CENPP: variants seen among roughly 807,000 people sequenced by gnomAD.
CENPP encodes the protein centromere protein P.
Under a neutral mutation model 35.6 loss-of-function variants are expected in CENPP, and 24 were observed. The observed-to-expected ratio is 0.67, with a 90% CI of 0.49 to 0.95. The LOEUF (loss-of-function observed/expected upper bound fraction) is 0.95. Ranked by LOEUF, CENPP falls within the 40% of genes least tolerant of loss-of-function variation. CENPP has a pLI of 0.00. For synonymous variants in CENPP, 120 were observed against 125.5 expected (o/e 0.96, Z 0.29); for missense variants, 332 against 345.3 (o/e 0.96, Z 0.31).
At chr9:92,392,677 G>T (rs1842736558) in intron 5 of CENPP, among the ~76,000 whole-genome samples, 2 of 152,114 alleles carry the variant, frequency 1.3e-5, no homozygotes, top group African/African-American at 4.8e-5. Context: ...ATGCAGCCAG[G>T]TTTAAGAGCC....
At chr9:92,540,974 T>C (rs1462330122) in intron 5 of CENPP, among the ~76,000 whole-genome samples, 2 of 150,528 alleles carry the variant, frequency 1.3e-5, no homozygotes, top group Non-Finnish European at 3.0e-5. Flanking sequence ...TTTTAAAAAA[T>C]GTATTGGCTG....
At chr9:92,513,351 T>A (rs1300013858) in intron 5 of CENPP, among the ~76,000 whole-genome samples, 2 of 152,188 alleles carry the variant, frequency 1.3e-5, no homozygotes, top group Non-Finnish European at 2.9e-5. Flanking sequence ...CTCCCCAGCA[T>A]GCAGGTGGGA....
At chr9:92,489,484 C>A (rs1846130565) in intron 5 of CENPP, among the ~76,000 whole-genome samples, 1 of 152,170 alleles carries the variant, frequency 6.6e-6, no homozygotes, top group South Asian at 2.1e-4. Context: ...ATAGGACAGG[C>A]TCATTGATCA....
At chr9:92,582,030 G>GTGTTTTGTTTTGTTTTGTTT (rs56879645) in intron 5 of CENPP, among the ~76,000 whole-genome samples, 3 of 149,646 alleles carry the variant, frequency 2.0e-5, no homozygotes, top group African/African-American at 7.5e-5. Flanking sequence ...ACACTTGGTG[G>GTGTTTTGTTTTGTTTTGTTT]TGTTTTGTTT....
chr9:92,606,775 G>C (rs532296672), intron 5 of CENPP, among the ~76,000 whole-genome samples: 1 of 152,064 alleles, frequency 6.6e-6, no homozygotes, highest in African/African-American at 2.4e-5. Context: ...GTGGTGGCAC[G>C]CGTCTGTAGT....
chr9:92,545,214 C>T (rs1034167953), intron 5 of CENPP, among the ~76,000 whole-genome samples: 3 of 151,906 alleles, frequency 2.0e-5, no homozygotes, highest in African/African-American at 4.8e-5. Flanking sequence ...AGGCCGGAGC[C>T]GGCTCGGACC....
chr9:92,451,762 C>G (rs1588138427), intron 5 of CENPP, among the ~76,000 whole-genome samples: 1 of 149,704 alleles, frequency 6.7e-6, no homozygotes, highest in East Asian at 2.0e-4. Flanking sequence ...TTTGTATCCT[C>G]TTTTATTTCA....
At chr9:92,546,898 A>T (rs371014873) in intron 5 of CENPP, among the ~76,000 whole-genome samples, 1 of 152,202 alleles carries the variant, frequency 6.6e-6, no homozygotes, top group African/African-American at 2.4e-5. Flanking sequence ...CACAAGAGAT[A>T]CCACAGGTCT....
intron 5 of CENPP, among the ~76,000 whole-genome samples, chr9:92,553,203 C>T (rs567537750): frequency 1.3e-5 from 2 of 152,128 alleles, no homozygotes; most frequent in African/African-American, 4.8e-5. Flanking sequence ...TTTGCTTTGT[C>T]GAAGATCAGT....
intron 5 of CENPP, among the ~76,000 whole-genome samples, chr9:92,592,069 A>G (rs1379195366): frequency 6.6e-6 from 1 of 152,034 alleles, no homozygotes; most frequent in Non-Finnish European, 1.5e-5. Flanking sequence ...ATAGACATAC[A>G]GAAAAGAGCA....
upstream of CENPP, chr9:92,325,948 A>C: frequency 3.4e-6 from 5 of 1,451,436 alleles, no homozygotes; most frequent in East Asian, 5.0e-5. Flanking sequence ...TGAAGCGCGC[A>C]GGTCGGAGTG....
Position 92,393,279 on chromosome 9 carries a change from A to G in CENPP, c.564+13420A>G, listed in dbSNP as rs866734754. ...GAATAAAATCATAAAAATATGAACA[A>G]TCGTTTGAAAATATTTCTCCTCTAG... On this transcript the variant is annotated intron_variant, in intron 5 of 7. Coordinates refer to ENST00000375587, the MANE Select transcript of CENPP (RefSeq NM_001012267.3). 14 of 1,534,140 alleles carry G rather than the reference A, an allele frequency of 9.1e-6. No homozygotes were observed. In the African/African-American group the frequency reaches 1.5e-4, roughly 17 times the overall value.
chr9:92,533,695 C>T (rs1848998484), intron 5 of CENPP, among the ~76,000 whole-genome samples: 1 of 152,044 alleles, frequency 6.6e-6, no homozygotes, highest in East Asian at 1.9e-4. Flanking sequence ...CTCTTTTTCT[C>T]AGAGAATGTT....
At chr9:92,532,042 T>TTTTTTTC (rs1563990376) in intron 5 of CENPP, among the ~76,000 whole-genome samples, 1 of 144,554 alleles carries the variant, frequency 6.9e-6, no homozygotes, top group Non-Finnish European at 1.5e-5. Flanking sequence ...TTATTTTTTT[T>TTTTTTTC]TTGAGATGAG....
At chr9:92,447,368 T>C (rs112040036) in intron 5 of CENPP, among the ~76,000 whole-genome samples, 1,682 of 151,988 alleles carry the variant, frequency 0.011, 36 homozygotes, top group African/African-American at 0.038. Flanking sequence ...CATCAGACAG[T>C]AGATTCTCAT....
intron 5 of CENPP, among the ~76,000 whole-genome samples, chr9:92,450,285 C>G (rs1012300755): frequency 2.1e-5 from 3 of 144,718 alleles, no homozygotes; most frequent in African/African-American, 7.7e-5. Flanking sequence ...GTGATGTTCC[C>G]CTTCCTGTGT....
intron 6 of CENPP, among the ~76,000 whole-genome samples, chr9:92,612,149 A>G (rs1465542809): frequency 1.3e-5 from 2 of 152,258 alleles, no homozygotes; most frequent in African/African-American, 2.4e-5. Context: ...CCTGGGCTCA[A>G]CTGCCTAGAA....
At chr9:92,523,002 A>G in intron 5 of CENPP, 1 of 1,041,988 alleles carries the variant, frequency 9.6e-7, no homozygotes, top group African/African-American at 1.6e-5. Context: ...GAGAAATTAC[A>G]CTTATGATAT....
At chr9:92,385,550 T>A (rs1842383890) in intron 5 of CENPP, 4 of 1,320,412 alleles carry the variant, frequency 3.0e-6, no homozygotes, top group Non-Finnish European at 4.3e-6. Context: ...ATACTTAAGT[T>A]CCTTTACTCA....
Sources: gnomAD v4.1 joint callset for allele counts (sites outside exome capture counted in the v4.1 genomes callset) on GRCh38, gnomAD v4.1.1 for gene constraint, MANE v1.5 for transcripts, NCBI Gene and HGNC (gene_info 2026-07-23, HGNC 2026-07-21) for gene names.